Variants in EBF4 observed in about 807,000 individuals in gnomAD.
EBF4 encodes transcription factor COE4.
Under a neutral mutation model 67.1 loss-of-function variants are expected in EBF4, and 34 were observed. The ratio of observed to expected loss-of-function variants is 0.51; its 90% CI spans 0.39 to 0.67. EBF4 has a LOEUF of 0.67. Among genes scored for constraint, EBF4 ranks in the 30% least tolerant of loss-of-function variants. The probability of loss-of-function intolerance (pLI) is 0.00; values close to 1 mark genes in which losing one functional copy is unlikely to be tolerated. For synonymous variants in EBF4, 387 were observed against 377.7 expected, an observed-to-expected ratio of 1.02 and a Z score of -0.29; for missense variants, 837 against 873.3, an observed-to-expected ratio of 0.96 and a Z score of 0.52.
exon 14 of EBF4, chr20:2,752,389 C>G (rs1023128578): frequency 1.9e-5 from 24 of 1,254,982 alleles, no homozygotes; most frequent in Non-Finnish European, 2.2e-5. Context: ...CGCGTCCCCC[C>G]GCGGGTTCGC....
chr20:2,697,044 G>T (rs57598915), intron 1 of EBF4, among the ~76,000 whole-genome samples: 8,018 of 152,212 alleles, frequency 0.053, 721 homozygotes, highest in African/African-American at 0.18. Flanking sequence ...CCCTTATATT[G>T]GTTCCCCTCT....
At chr20:2,710,337 A>T (rs535487771) in intron 6 of EBF4, among the ~76,000 whole-genome samples, 1 of 151,986 alleles carries the variant, frequency 6.6e-6, no homozygotes, top group South Asian at 2.1e-4. Flanking sequence ...TTTTGTAGAG[A>T]CCGGGTTTTG....
At chr20:2,729,742 C>G (rs55859849) in intron 6 of EBF4, among the ~76,000 whole-genome samples, 2 of 152,124 alleles carry the variant, frequency 1.3e-5, no homozygotes, top group South Asian at 2.1e-4. Flanking sequence ...AAAAAGAGTC[C>G]GTTTTCACAT....
At chr20:2,717,528 A>G (rs2087625975) in intron 6 of EBF4, among the ~76,000 whole-genome samples, 1 of 152,154 alleles carries the variant, frequency 6.6e-6, no homozygotes. Context: ...TGGGTAGCTT[A>G]TTTCCAGGTA....
At chr20:2,759,177 C>T in intron 16 of EBF4, 91 bp from the exon 17 acceptor site, 1 of 602,014 alleles carries the variant, frequency 1.7e-6, no homozygotes, top group Non-Finnish European at 2.9e-6. Context: ...CCCAGTAACC[C>T]AAGCTGACCA....
At chr20:2,734,510 C>G (rs57619047) in intron 6 of EBF4, among the ~76,000 whole-genome samples, 7,528 of 152,282 alleles carry the variant, frequency 0.049, 586 homozygotes, top group African/African-American at 0.17. Context: ...ATGGGTCTTA[C>G]TTTCCTGTAC....
chr20:2,754,181 G>A (rs1473912155), intron 14 of EBF4, among the ~76,000 whole-genome samples: 1 of 152,108 alleles, frequency 6.6e-6, no homozygotes, highest in East Asian at 1.9e-4. Context: ...CTTGACCGAG[G>A]CTTACCCAGG....
intron 3 of EBF4, 33 bp downstream of exon 3, chr20:2,706,070 C>T (rs1392391154): frequency 6.5e-7 from 1 of 1,548,846 alleles, no homozygotes; most frequent in Non-Finnish European, 8.7e-7. Flanking sequence ...CCCAGCCCTG[C>T]CCCTGAAGTC....
intron 6 of EBF4, among the ~76,000 whole-genome samples, chr20:2,744,492 C>CTTTTTTTTTTTTTTT (rs35298353): frequency 1.4e-4 from 16 of 115,884 alleles, no homozygotes; most frequent in South Asian, 2.7e-4. Flanking sequence ...TTTTTCTTTT[C>CTTTTTTTTTTTTTTT]TTTTTTTTTT....
rs1229297220 is a variant in EBF4, at chr20:2,752,130, C to T, written c.1218C>T (p.Tyr406=). The change falls in exon 13 of 17, where the codon TAC becomes TAT. Residue 406 remains tyrosine (Y), a synonymous_variant. Coordinates refer to ENST00000609451, the Ensembl canonical transcript of EBF4. The stretch of plus-strand genomic sequence containing the variant: ...CGGCGGACGTGGCCGAGGCTCTGTA[C>T]AGCACCCCCCGCGCACCCGGGCCGC... The T allele has an allele frequency of 1.4e-5, 21 of 1,453,292 alleles. No homozygotes were observed. In the East Asian group the frequency reaches 5.1e-4, roughly 35 times the overall value. 90.0% of individuals were successfully genotyped at this position (1,453,292 alleles called of 1,614,324 possible).
At chr20:2,719,287 T>G (rs2087648190) in intron 6 of EBF4, among the ~76,000 whole-genome samples, 1 of 152,110 alleles carries the variant, frequency 6.6e-6, no homozygotes, top group South Asian at 2.1e-4. Flanking sequence ...TTTGTTTGTT[T>G]GTTTTGAGAC....
At position 2,696,743 on chromosome 20, in the gene EBF4, C is replaced by T. The variant is rs1284755741; in HGVS notation, c.137+2961C>T. ...TTAAGTCTCACCAGCCTCAGGACTC[C>T]CTCTTACACCCACCGACCCCAGCAA... On this transcript the variant is annotated intron_variant, in intron 1 of 16. Transcript: ENST00000609451. The surrounding 1 kb of genome is among the most constrained non-coding windows in gnomAD (Gnocchi z 4.7). Among the ~76,000 whole-genome samples the T allele has an allele frequency of 6.6e-6, 1 of 152,184 alleles. No individual in the cohort carries two copies. Among genetic ancestry groups the T allele is most frequent in the Non-Finnish European group, 1.5e-5 (1 of 68,026 alleles).
Position 2,693,618 on chromosome 20 carries a change from C to G in EBF4, c.-28C>G. 7.3e-7 allele frequency: 1 copy of G among 1,363,788 alleles called. No individual in the cohort carries two copies. The highest frequency in any genetic ancestry group is 9.4e-7 in the Non-Finnish European group (1 of 1,061,850). 84.5% of individuals were successfully genotyped at this position (1,363,788 alleles called of 1,614,324 possible). ...CTCAGCGGGACCGGATCCGGGGCGG[C>G]GGGGGCGCTCACTCACCGCGCGCCC... is the stretch of plus-strand genomic sequence containing the variant. On this transcript the variant is annotated 5_prime_UTR_variant, in exon 1 of 17. Coordinates refer to ENST00000609451, the Ensembl canonical transcript of EBF4. This position sits in a 1 kb window ranked among gnomAD's most constrained non-coding sequence, Gnocchi z 4.6.
intron 6 of EBF4, among the ~76,000 whole-genome samples, chr20:2,713,970 A>T (rs2087575742): frequency 6.6e-6 from 1 of 152,202 alleles, no homozygotes; most frequent in South Asian, 2.1e-4. Context: ...ATCTGTCTAT[A>T]CTGACATTGA....
intron 14 of EBF4, among the ~76,000 whole-genome samples, chr20:2,753,203 G>A (rs957333925): frequency 6.6e-6 from 1 of 152,216 alleles, no homozygotes; most frequent in African/African-American, 2.4e-5. Context: ...GGTTGATCTC[G>A]GATCTGAATG....
At position 2,709,562 on chromosome 20, in the gene EBF4, T is replaced by A. The variant is rs772945825; in HGVS notation, c.489-12T>A. 1.0e-5 allele frequency: 16 copies of A among 1,547,918 alleles called. No homozygotes were observed. The highest frequency in any genetic ancestry group is 1.4e-5 in the Non-Finnish European group (16 of 1,144,834). The stretch of plus-strand genomic sequence containing the variant: ...GGCTTCTGCCTTCCCTCCTTCCTCA[T>A]CTTTCCTTCAGCCGGTGCTGTGACC... On this transcript the variant is annotated splice_polypyrimidine_tract_variant and intron_variant, in intron 5 of 16. Transcript: ENST00000609451.
intron 12 of EBF4, 43 bp downstream of exon 12, chr20:2,752,030 C>G: frequency 4.0e-6 from 6 of 1,506,572 alleles, no homozygotes; most frequent in Non-Finnish European, 5.3e-6. Flanking sequence ...GACCGGGGCC[C>G]CCCAGCACGC....
chr20:2,709,965 G>A (rs1269023456), intron 6 of EBF4, among the ~76,000 whole-genome samples: 1 of 152,176 alleles, frequency 6.6e-6, no homozygotes, highest in East Asian at 1.9e-4. Flanking sequence ...CAGGTGGAGT[G>A]GCCAGCGTGG....
chr20:2,723,403 T>C (rs965332605), intron 6 of EBF4, among the ~76,000 whole-genome samples: 17 of 152,260 alleles, frequency 1.1e-4, no homozygotes, highest in African/African-American at 3.9e-4. Context: ...CAGGCTGGAG[T>C]GCAGTGGCGC....
Sources: gnomAD v4.1 joint callset for allele counts (sites outside exome capture counted in the v4.1 genomes callset) on GRCh38, gnomAD v4.1.1 for gene constraint, Gnocchi (gnomAD v3.1) non-coding constraint, MANE v1.5 for transcripts, NCBI Gene and HGNC (gene_info 2026-07-23, HGNC 2026-07-21) for gene names.